The following TAF4B variants were observed in gnomAD, a reference collection of about 807,000 sequenced individuals.
TAF4B encodes the protein transcription initiation factor TFIID subunit 4B.
Under a neutral mutation model 86.4 loss-of-function variants are expected in TAF4B, and 38 were observed. The ratio of observed to expected loss-of-function variants is 0.44; its 90% confidence interval spans 0.34 to 0.58. The LOEUF (loss-of-function observed/expected upper bound fraction) is 0.58, where lower values mean the gene tolerates loss of function less well. TAF4B is among the 20% of genes least tolerant of loss of function. The pLI, the probability that TAF4B is intolerant of heterozygous loss-of-function variation, is 0.02. For synonymous variants in TAF4B, 388 were observed against 391.2 expected (o/e 0.99, Z 0.10); for missense variants, 988 against 1,027.6 (o/e 0.96, Z 0.53).
chr18:26,306,253 A>T (rs1044927212), intron 9 of TAF4B, among the ~76,000 whole-genome samples: 2 of 152,134 alleles, frequency 1.3e-5, no homozygotes, highest in Non-Finnish European at 2.9e-5. Context: ...AACCCACTGT[A>T]TAGTTTTTGA....
At chr18:26,373,040 C>T (rs929016678) in intron 14 of TAF4B, among the ~76,000 whole-genome samples, 2 of 151,928 alleles carry the variant, frequency 1.3e-5, no homozygotes, top group South Asian at 2.1e-4. Context: ...ATGAGTCCCA[C>T]AGAAATGTAG....
At chr18:26,389,368 G>A (rs1172720591) in intron 14 of TAF4B, among the ~76,000 whole-genome samples, 3 of 152,200 alleles carry the variant, frequency 2.0e-5, no homozygotes, top group South Asian at 2.1e-4. Context: ...GATCTGAACC[G>A]TGAAAGGCCT....
chr18:26,288,201 G>A (rs1375474870), intron 7 of TAF4B, among the ~76,000 whole-genome samples: 2 of 152,132 alleles, frequency 1.3e-5, no homozygotes, highest in African/African-American at 2.4e-5. Flanking sequence ...ATAGCATATA[G>A]GTCCCTGGGG....
chr18:26,327,945 A>C lies in TAF4B; in HGVS notation c.2259+805A>C, dbSNP rs142025978. Among the ~76,000 whole-genome samples the C allele has an allele frequency of 9.9e-3, 1,506 of 152,340 alleles. 12 individuals are homozygous for C. Among genetic ancestry groups the C allele is most frequent in the African/African-American group, 0.034 (1,400 of 41,582 alleles). The stretch of plus-strand genomic sequence containing the variant: ...AACGTTTTCTTGGGCTATTAGTGTC[A>C]CATGAGGTAAAAGCTAATTCCACTA... On this transcript the variant is annotated intron_variant, in intron 12 of 14. Coordinates refer to ENST00000269142, the MANE Select transcript of TAF4B (RefSeq NM_005640.3).
chr18:26,358,245 C>T (rs1376205376), intron 14 of TAF4B, among the ~76,000 whole-genome samples: 1 of 152,090 alleles, frequency 6.6e-6, no homozygotes, highest in Non-Finnish European at 1.5e-5. Flanking sequence ...GCATTGTTTC[C>T]TTGTATGAAC....
At chr18:26,358,364 G>C (rs952945133) in intron 14 of TAF4B, among the ~76,000 whole-genome samples, 21 of 152,140 alleles carry the variant, frequency 1.4e-4, no homozygotes, top group African/African-American at 5.1e-4. Context: ...GACCTTAATT[G>C]TTTGGTTAAC....
intron 6 of TAF4B, among the ~76,000 whole-genome samples, chr18:26,285,213 T>TCC (rs201515885): frequency 0.086 from 9,315 of 108,438 alleles, 1,308 homozygotes; most frequent in African/African-American, 0.28. Flanking sequence ...TCCTTTCCTT[T>TCC]TTTTTTTTGT....
At chr18:26,280,525 A>G (rs1434997870) in intron 5 of TAF4B, among the ~76,000 whole-genome samples, 1 of 152,248 alleles carries the variant, frequency 6.6e-6, no homozygotes, top group African/African-American at 2.4e-5. Flanking sequence ...AAAAGAAGAC[A>G]TACAAGCAGC....
intron 3 of TAF4B, among the ~76,000 whole-genome samples, chr18:26,270,616 C>T (rs1226105866): frequency 6.6e-6 from 1 of 152,120 alleles, no homozygotes; most frequent in Non-Finnish European, 1.5e-5. Flanking sequence ...TGCACCCAGC[C>T]TTTATTAGTA....
intron 1 of TAF4B, among the ~76,000 whole-genome samples, chr18:26,263,584 T>C (rs2056198719): frequency 2.6e-5 from 4 of 152,250 alleles, no homozygotes; most frequent in Admixed American, 2.6e-4. Flanking sequence ...GCGTGTCCTA[T>C]TACCTGATGG....
At chr18:26,358,559 A>G (rs1223495985) in intron 14 of TAF4B, among the ~76,000 whole-genome samples, 1 of 152,118 alleles carries the variant, frequency 6.6e-6, no homozygotes, top group Non-Finnish European at 1.5e-5. Context: ...AAATATAAAA[A>G]ATTAGCCGAA....
chr18:26,311,569 C>T (rs182866934), intron 9 of TAF4B, among the ~76,000 whole-genome samples: 38 of 152,078 alleles, frequency 2.5e-4, no homozygotes, highest in Non-Finnish European at 5.3e-4. Flanking sequence ...TGCAGTGAGC[C>T]GAGACCTTGC....
chr18:26,355,417 C>A (rs1042705126), intron 13 of TAF4B, among the ~76,000 whole-genome samples: 1 of 152,114 alleles, frequency 6.6e-6, no homozygotes, highest in Non-Finnish European at 1.5e-5. Context: ...CGATAAATGC[C>A]AGATTTGCAT....
intron 3 of TAF4B, among the ~76,000 whole-genome samples, chr18:26,273,443 G>T (rs1693750555): frequency 6.6e-6 from 1 of 151,832 alleles, no homozygotes; most frequent in Non-Finnish European, 1.5e-5. Flanking sequence ...GTCTGCTGTT[G>T]AAAAAAATAA....
intron 3 of TAF4B, among the ~76,000 whole-genome samples, chr18:26,271,043 A>G (rs2056309834): frequency 6.6e-6 from 1 of 152,220 alleles, no homozygotes; most frequent in Non-Finnish European, 1.5e-5. Context: ...AGCCTAGAAC[A>G]GTGGAAATTA....
intron 1 of TAF4B, among the ~76,000 whole-genome samples, chr18:26,240,324 G>C (rs1361855215): frequency 1.3e-5 from 2 of 152,144 alleles, no homozygotes; most frequent in Admixed American, 1.3e-4. Flanking sequence ...GGATTCCTAG[G>C]TATTTTATTC....
At chr18:26,328,669 G>C (rs187568504) in intron 12 of TAF4B, among the ~76,000 whole-genome samples, 2 of 151,904 alleles carry the variant, frequency 1.3e-5, no homozygotes, top group Admixed American at 1.3e-4. Context: ...GCTCAAGCTA[G>C]AGTGCAGTGG....
At chr18:26,242,746 T>C (rs1038878966) in intron 1 of TAF4B, among the ~76,000 whole-genome samples, 7 of 152,368 alleles carry the variant, frequency 4.6e-5, no homozygotes, top group African/African-American at 1.7e-4. Flanking sequence ...CTGTGTTTAG[T>C]GCTTCCTTCA....
chr18:26,270,164 C>G (rs1164224541), intron 3 of TAF4B, among the ~76,000 whole-genome samples: 1 of 152,152 alleles, frequency 6.6e-6, no homozygotes, highest in East Asian at 1.9e-4. Context: ...CATTATGGCT[C>G]TTCAGGACAC....
Sources: allele counts gnomAD v4.1 joint callset (sites outside exome capture counted in the v4.1 genomes callset), GRCh38; gene constraint gnomAD v4.1.1; transcripts MANE v1.5; gene names NCBI Gene and HGNC (gene_info 2026-07-23, HGNC 2026-07-21).